EPHA3: variants seen among roughly 807,000 people sequenced by gnomAD.
EPHA3 encodes EPH receptor A3.
In EPHA3, 42 loss-of-function variants were observed where a neutral mutation model predicts 107.1. The observed-to-expected ratio is 0.39, with a 90% CI of 0.31 to 0.51. EPHA3 has a LOEUF of 0.51. EPHA3 is among the 20% of genes least tolerant of loss of function. EPHA3 has a pLI of 0.78. For synonymous variants in EPHA3, 461 were observed against 424.8 expected (o/e 1.09, Z -1.05); for missense variants, 1,183 against 1,211.2 (o/e 0.98, Z 0.35).
intron 2 of EPHA3, among the ~76,000 whole-genome samples, chr3:89,170,107 C>G (rs1162249470): frequency 6.6e-6 from 1 of 151,874 alleles, no homozygotes; most frequent in East Asian, 1.9e-4. Flanking sequence ...AAAAATTAGC[C>G]GGGCGTGGTG....
At chr3:89,261,103 G>T (rs1705404328) in intron 3 of EPHA3, among the ~76,000 whole-genome samples, 2 of 152,242 alleles carry the variant, frequency 1.3e-5, no homozygotes, top group Non-Finnish European at 2.9e-5. Context: ...TGAGATGGCA[G>T]AGGAAGCCAG....
intron 11 of EPHA3, among the ~76,000 whole-genome samples, chr3:89,426,205 T>C (rs1709453601): frequency 6.6e-6 from 1 of 151,742 alleles, no homozygotes; most frequent in Non-Finnish European, 1.5e-5. Context: ...TGGAAGAGCA[T>C]GCAAACTTGA....
intron 9 of EPHA3, 83 bp downstream of exon 9, chr3:89,408,214 C>T: frequency 2.2e-6 from 3 of 1,342,240 alleles, no homozygotes; most frequent in Non-Finnish European, 3.2e-6. Context: ...TAACTTCCTC[C>T]TGACAAAGAG....
intron 2 of EPHA3, among the ~76,000 whole-genome samples, chr3:89,183,172 T>C (rs1012545922): frequency 6.6e-5 from 10 of 152,034 alleles, no homozygotes; most frequent in Non-Finnish European, 1.2e-4. Flanking sequence ...TGTATATTCA[T>C]AGATAGCTAC....
At chr3:89,206,648 T>C (rs1172272403) in intron 2 of EPHA3, among the ~76,000 whole-genome samples, 1 of 152,134 alleles carries the variant, frequency 6.6e-6, no homozygotes, top group African/African-American at 2.4e-5. Context: ...ACCAAGTCTG[T>C]TGACTGTTTT....
chr3:89,307,786 C>T (rs1247169846), intron 3 of EPHA3, among the ~76,000 whole-genome samples: 1 of 152,100 alleles, frequency 6.6e-6, no homozygotes, highest in Non-Finnish European at 1.5e-5. Context: ...CTCCTGGGCT[C>T]GAATGATCTG....
chr3:89,423,135 A>AATCCTTC (rs1364110352), intron 11 of EPHA3, among the ~76,000 whole-genome samples: 1 of 151,504 alleles, frequency 6.6e-6, no homozygotes, highest in African/African-American at 2.4e-5. Context: ...AGAAGGAATT[A>AATCCTTC]TATTGGATGA....
chr3:89,194,157 C>G (rs1705783493), intron 2 of EPHA3, among the ~76,000 whole-genome samples: 2 of 151,894 alleles, frequency 1.3e-5, no homozygotes, highest in African/African-American at 4.8e-5. Flanking sequence ...TTTAAAAATA[C>G]TAATATTTCA....
intron 3 of EPHA3, among the ~76,000 whole-genome samples, chr3:89,221,348 A>G (rs1704369419): frequency 6.6e-6 from 1 of 152,152 alleles, no homozygotes; most frequent in African/African-American, 2.4e-5. Context: ...ATATTGATTC[A>G]CGTAATGGTC....
At chr3:89,473,683 G>A (rs758105537) in intron 16 of EPHA3, among the ~76,000 whole-genome samples, 1 of 152,142 alleles carries the variant, frequency 6.6e-6, no homozygotes, top group Non-Finnish European at 1.5e-5. Flanking sequence ...TAAGTTACCA[G>A]GAGAGAAAGT....
intron 3 of EPHA3, among the ~76,000 whole-genome samples, chr3:89,219,688 G>GTGTTTTTTTTTGT: frequency 0.051 from 1,764 of 34,406 alleles, 703 homozygotes; most frequent in Middle Eastern, 0.13. Context: ...ATTTGGCAAT[G>GTGTTTTTTTTTGT]TTTTTTTTTT....
intron 2 of EPHA3, among the ~76,000 whole-genome samples, chr3:89,138,396 A>G (rs1277867385): frequency 6.6e-6 from 1 of 151,884 alleles, no homozygotes; most frequent in Non-Finnish European, 1.5e-5. Flanking sequence ...GCTCATGATA[A>G]AAGAGATGAT....
intron 15 of EPHA3, among the ~76,000 whole-genome samples, chr3:89,471,176 G>T (rs368953296): frequency 6.9e-6 from 1 of 144,188 alleles, no homozygotes; most frequent in Admixed American, 6.9e-5. Context: ...AAGAGCTGAA[G>T]AAAAAAAAAA....
chr3:89,455,779 T>C (rs1431254567), intron 15 of EPHA3, among the ~76,000 whole-genome samples: 1 of 152,212 alleles, frequency 6.6e-6, no homozygotes, highest in Non-Finnish European at 1.5e-5. Flanking sequence ...AGGAAGCAAC[T>C]TACACATCAT....
At chr3:89,456,369 AAAC>A (rs1710097658) in intron 15 of EPHA3, among the ~76,000 whole-genome samples, 2 of 152,294 alleles carry the variant, frequency 1.3e-5, no homozygotes, top group African/African-American at 2.4e-5. Flanking sequence ...CTTTTAAGAA[AAAC>A]AACATCATTC....
intron 3 of EPHA3, among the ~76,000 whole-genome samples, chr3:89,282,911 GA>G (rs1283298508): frequency 7.2e-5 from 11 of 152,132 alleles, no homozygotes; most frequent in African/African-American, 2.7e-4. Context: ...AGGAGCCACT[GA>G]AAGGCTTTGC....
At chr3:89,421,480 A>G (rs1041765575) in intron 11 of EPHA3, among the ~76,000 whole-genome samples, 4 of 150,924 alleles carry the variant, frequency 2.7e-5, no homozygotes, top group African/African-American at 9.7e-5. Context: ...TCACCCAGAG[A>G]GTGATGAAAA....
chr3:89,460,396 C>T (rs1398262739), intron 15 of EPHA3, among the ~76,000 whole-genome samples: 5 of 152,092 alleles, frequency 3.3e-5, no homozygotes, highest in Non-Finnish European at 2.9e-5. Flanking sequence ...ATATTTAGAA[C>T]AAGGTTCTGC....
rs577023719 is a variant in EPHA3 at position 89,247,195 on chromosome 3, C to T, written c.814+36675C>T. 1.8e-3 allele frequency among the ~76,000 whole-genome samples: 281 copies of T among 152,168 alleles called. 1 individual carries two copies. Among genetic ancestry groups the T allele is most frequent in the Non-Finnish European group, 3.2e-3 (219 of 68,004 alleles). On this transcript the variant is annotated intron_variant, in intron 3 of 16. Transcript: ENST00000336596. Reference sequence around the variant, plus strand: ...ACAAATAAAGTAAATCATTTCAGGGCAATACTGTAGAGATATACAGACTCC... The same window carrying T: ...ACAAATAAAGTAAATCATTTCAGGGTAATACTGTAGAGATATACAGACTCC...
Sources: allele counts gnomAD v4.1 joint callset (sites outside exome capture counted in the v4.1 genomes callset), GRCh38; gene constraint gnomAD v4.1.1; transcripts MANE v1.5; gene names NCBI Gene and HGNC (gene_info 2026-07-23, HGNC 2026-07-21).